DKK2: variants seen among roughly 807,000 people sequenced by gnomAD.
The protein encoded by DKK2 is dickkopf Wnt signaling pathway inhibitor 2.
A neutral mutation model predicts 28.1 loss-of-function variants in DKK2; 11 were observed. The ratio of observed to expected loss-of-function variants is 0.39; its 90% CI spans 0.25 to 0.65. The LOEUF (loss-of-function observed/expected upper bound fraction) is 0.65, where lower values mean the gene tolerates loss of function less well. Among genes scored for constraint, DKK2 ranks in the 30% least tolerant of loss-of-function variants. The pLI, the probability that DKK2 is intolerant of heterozygous loss-of-function variation, is 0.47. For missense variants in DKK2, 326 were observed against 335.5 expected (o/e 0.97, Z 0.22); for synonymous variants, 135 against 126.5 (o/e 1.07, Z -0.45).
intron 1 of DKK2, among the ~76,000 whole-genome samples, chr4:106,984,849 A>G (rs1238265764): frequency 2.0e-5 from 3 of 152,236 alleles, no homozygotes; most frequent in African/African-American, 7.2e-5. Context: ...AAAAGAATAA[A>G]CTATTGATAC....
chr4:107,028,275 CATTT>C (rs1037407177), intron 1 of DKK2, among the ~76,000 whole-genome samples: 12 of 152,126 alleles, frequency 7.9e-5, no homozygotes, highest in African/African-American at 2.7e-4. Context: ...TAATTGAGTT[CATTT>C]GTTTCCTTCT....
chr4:106,934,897 A>C (rs554142773), intron 1 of DKK2, among the ~76,000 whole-genome samples: 20 of 152,352 alleles, frequency 1.3e-4, no homozygotes, highest in Non-Finnish European at 2.9e-4. Flanking sequence ...AAAAATTATA[A>C]AATGTTCCCA....
intron 1 of DKK2, among the ~76,000 whole-genome samples, chr4:106,956,640 A>G (rs1722596641): frequency 6.6e-6 from 1 of 152,142 alleles, no homozygotes; most frequent in Non-Finnish European, 1.5e-5. Context: ...TGAGAAAAAC[A>G]AGCAATGGGG....
At chr4:106,946,803 G>A (rs1008717837) in intron 1 of DKK2, among the ~76,000 whole-genome samples, 2 of 151,878 alleles carry the variant, frequency 1.3e-5, no homozygotes, top group East Asian at 3.9e-4. Context: ...AAAATCCACC[G>A]TGCAAAGGTA....
chr4:106,942,764 G>A (rs1443435186), intron 1 of DKK2, among the ~76,000 whole-genome samples: 2 of 151,934 alleles, frequency 1.3e-5, no homozygotes, highest in African/African-American at 4.8e-5. Flanking sequence ...TCTTATTCTT[G>A]TTTCAAATTT....
chr4:106,976,522 T>C (rs1480095905), intron 1 of DKK2, among the ~76,000 whole-genome samples: 1 of 152,210 alleles, frequency 6.6e-6, no homozygotes, highest in Non-Finnish European at 1.5e-5. Context: ...TTGATCTTTG[T>C]TGGTTTAAAG....
At chr4:106,974,638 T>G (rs767347279) in intron 1 of DKK2, among the ~76,000 whole-genome samples, 26 of 152,216 alleles carry the variant, frequency 1.7e-4, no homozygotes, top group African/African-American at 5.5e-4. Flanking sequence ...AAGGAGATTT[T>G]GGGCTGAGAC....
At chr4:107,007,404 A>T (rs983530694) in intron 1 of DKK2, among the ~76,000 whole-genome samples, 1 of 152,136 alleles carries the variant, frequency 6.6e-6, no homozygotes, top group African/African-American at 2.4e-5. Context: ...TAGAGCATTT[A>T]TTTTAGCACT....
Position 107,035,917 on chromosome 4 carries a change from C to T in DKK2, c.-326G>A, listed in dbSNP as rs758323795. 13 of 364,470 alleles carry T rather than the reference C, an allele frequency of 3.6e-5. No homozygotes were observed. Among genetic ancestry groups the T allele is most frequent in the South Asian group, 2.6e-4 (8 of 30,412 alleles). The allele number at this position is 364,470 out of a possible 1,614,324, so 22.6% of individuals were successfully genotyped here. ...AAACCCAGCCCTGTGGATCGCACCGCTTCCGTTCCTTCTTGCCCCGCACCT... is the reference window on the plus strand; with the variant it reads ...AAACCCAGCCCTGTGGATCGCACCGTTTCCGTTCCTTCTTGCCCCGCACCT... On this transcript the variant is annotated 5_prime_UTR_variant, in exon 1 of 4. Coordinates refer to ENST00000285311, the MANE Select transcript of DKK2 (RefSeq NM_014421.3).
chr4:107,023,103 C>T (rs141637919), intron 1 of DKK2, among the ~76,000 whole-genome samples: 11 of 152,058 alleles, frequency 7.2e-5, no homozygotes, highest in African/African-American at 2.7e-4. Context: ...TAATCCTTGG[C>T]CTTATTTTTG....
intron 1 of DKK2, among the ~76,000 whole-genome samples, chr4:106,980,974 T>C (rs993290921): frequency 6.6e-6 from 1 of 152,156 alleles, no homozygotes; most frequent in Non-Finnish European, 1.5e-5. Context: ...ATTATTATTA[T>C]CCCTCCACCC....
At position 106,964,995 on chromosome 4, in the gene DKK2, AGATAGATAGATT is replaced by A. The variant is rs1254589944; in HGVS notation, c.223-39058_223-39047del. Among the ~76,000 whole-genome samples the A allele has an allele frequency of 1.7e-3, 257 of 149,958 alleles. 1 individual carries two copies. Among genetic ancestry groups the A allele is most frequent in the African/African-American group, 5.8e-3 (231 of 39,876 alleles). On this transcript the variant is annotated intron_variant, in intron 1 of 3. Coordinates refer to ENST00000285311, the MANE Select transcript of DKK2 (RefSeq NM_014421.3). ...TAGATAGATAGATAGATAGATAGATAGATAGATAGATTGATTGATTCTGATTCTCTGGAAACT... is the reference window on the plus strand; with the variant it reads ...TAGATAGATAGATAGATAGATAGATAGATTGATTCTGATTCTCTGGAAACT...
intron 1 of DKK2, among the ~76,000 whole-genome samples, chr4:106,977,324 T>C (rs1274197448): frequency 6.6e-6 from 1 of 152,218 alleles, no homozygotes; most frequent in African/African-American, 2.4e-5. Flanking sequence ...GATAACAACC[T>C]GAAGAGTGTT....
intron 1 of DKK2, among the ~76,000 whole-genome samples, chr4:106,937,011 C>A (rs1231968305): frequency 6.6e-6 from 1 of 152,156 alleles, no homozygotes; most frequent in Non-Finnish European, 1.5e-5. Flanking sequence ...GCTGCAAAAT[C>A]ATGCCAAAAT....
At position 106,982,961 on chromosome 4, in the gene DKK2, GAAGA is replaced by G. The variant is rs200757037; in HGVS notation, c.222+52405_222+52408del. ...AAGGAAAGAAAGAGAAGAAAAAGAA[GAAGA>G]AAGAAAGAAAGAGAAAGAAAGAAAG... is the stretch of plus-strand genomic sequence containing the variant. On this transcript the variant is annotated intron_variant, in intron 1 of 3. Transcript: ENST00000285311. Among the ~76,000 whole-genome samples the G allele has an allele frequency of 7.8e-3, 951 of 121,308 alleles. 6 individuals are homozygous for G. The highest frequency in any genetic ancestry group is 0.028 in the African/African-American group (904 of 32,646). 79.6% of individuals were successfully genotyped at this position (121,308 alleles called of 152,430 possible).
At chr4:106,973,235 C>T (rs1159019200) in intron 1 of DKK2, among the ~76,000 whole-genome samples, 1 of 152,102 alleles carries the variant, frequency 6.6e-6, no homozygotes, top group African/African-American at 2.4e-5. Context: ...GATTTATAAT[C>T]CTTTGGGTAT....
intron 1 of DKK2, among the ~76,000 whole-genome samples, chr4:106,985,013 T>C (rs946649783): frequency 1.3e-5 from 2 of 151,794 alleles, no homozygotes; most frequent in Admixed American, 1.3e-4. Flanking sequence ...AGAGAGACCA[T>C]CCTGGCTAAC....
At chr4:106,983,914 G>A (rs1287623928) in intron 1 of DKK2, among the ~76,000 whole-genome samples, 1 of 152,120 alleles carries the variant, frequency 6.6e-6, no homozygotes, top group Non-Finnish European at 1.5e-5. Flanking sequence ...TAGGATATCA[G>A]TACACACCTA....
At chr4:106,954,256 G>A (rs1371894517) in intron 1 of DKK2, among the ~76,000 whole-genome samples, 1 of 152,082 alleles carries the variant, frequency 6.6e-6, no homozygotes, top group African/African-American at 2.4e-5. Context: ...AAAAGTTCTA[G>A]TACTGTGCAT....
Sources: allele counts gnomAD v4.1 joint callset (sites outside exome capture counted in the v4.1 genomes callset), GRCh38; gene constraint gnomAD v4.1.1; transcripts MANE v1.5; gene names NCBI Gene and HGNC (gene_info 2026-07-23, HGNC 2026-07-21).